The following C3orf20 variants were observed in gnomAD, a reference collection of about 807,000 sequenced individuals.
The protein encoded by C3orf20 is uncharacterized protein C3orf20.
A neutral mutation model predicts 88.3 loss-of-function variants in C3orf20; 76 were observed. That is an observed-to-expected ratio of 0.86 (90% CI 0.72 to 1.04). C3orf20 has a LOEUF of 1.04. Ranked by LOEUF, C3orf20 falls within the 50% of genes least tolerant of loss-of-function variation. C3orf20 has a pLI of 0.00. For missense variants in C3orf20, 1,056 were observed against 1,123.3 expected (o/e 0.94, Z 0.86); for synonymous variants, 436 against 437.4 (o/e 1.00, Z 0.04).
chr3:14,682,531 C>T, intron 2 of C3orf20, 47 bp from the exon 3 acceptor site: 3 of 773,058 alleles, frequency 3.9e-6, no homozygotes, highest in Non-Finnish European at 6.1e-6. Context: ...TCCCCTTGCC[C>T]TACTATGGGG....
At chr3:14,730,194 G>A (rs1457037791) in intron 12 of C3orf20, among the ~76,000 whole-genome samples, 2 of 152,202 alleles carry the variant, frequency 1.3e-5, no homozygotes, top group African/African-American at 4.8e-5. Flanking sequence ...CATTATGATT[G>A]TGAGATTTGT....
chr3:14,704,412 G>A lies in C3orf20; in HGVS notation c.954G>A (p.Met318Ile), dbSNP rs1359022906. 1.2e-6 allele frequency: 2 copies of A among 1,613,970 alleles called. No homozygotes were observed. Among genetic ancestry groups the A allele is most frequent in the Non-Finnish European group, 1.7e-6 (2 of 1,180,006 alleles). Residue 318 changes from methionine to isoleucine, a missense_variant, in exon 7 of 17, where the codon ATG (methionine) becomes ATA (isoleucine). Physicochemically the swap from Met to Ile is conservative, Grantham distance 10. Coordinates refer to ENST00000253697, the MANE Select transcript of C3orf20 (RefSeq NM_032137.5). ...TCTTACGAAACTACAAGGCAAAGATGCCCTCTCATCTAATGTTGGCCCGCA... is the reference window on the plus strand; with the variant it reads ...TCTTACGAAACTACAAGGCAAAGATACCCTCTCATCTAATGTTGGCCCGCA... ...PMILRNYKAK[M>I]PSHLMLARKG...
In C3orf20 at chr3:14,742,193, A is replaced by G. The variant is rs186062509; in HGVS notation, c.1940+13505A>G. On this transcript the variant is annotated intron_variant, in intron 12 of 16. Transcript: ENST00000253697. ...TACTTTTGCACCAACCTAGTAAGTAACATTAGTGATATGCTGTCAAAGATG... is the reference window on the plus strand; with the variant it reads ...TACTTTTGCACCAACCTAGTAAGTAGCATTAGTGATATGCTGTCAAAGATG... Among the ~76,000 whole-genome samples, 606 of 152,384 alleles carry G rather than the reference A, an allele frequency of 4.0e-3. 1 individual carries two copies. The highest frequency in any genetic ancestry group is 6.5e-3 in the Non-Finnish European group (443 of 68,038).
chr3:14,693,976 G>A (rs2032854133), intron 5 of C3orf20, among the ~76,000 whole-genome samples: 1 of 152,102 alleles, frequency 6.6e-6, no homozygotes, highest in South Asian at 2.1e-4. Context: ...TCATTCTGTT[G>A]ATAGGATGTA....
intron 5 of C3orf20, among the ~76,000 whole-genome samples, chr3:14,692,535 G>A (rs1034424941): frequency 5.3e-5 from 8 of 152,092 alleles, no homozygotes; most frequent in Non-Finnish European, 5.9e-5. Context: ...TTTGCCATTT[G>A]TATGTCTTTT....
intron 5 of C3orf20, among the ~76,000 whole-genome samples, chr3:14,699,494 T>A (rs963730751): frequency 6.6e-6 from 1 of 152,138 alleles, no homozygotes; most frequent in African/African-American, 2.4e-5. Context: ...ACTGGGTCCT[T>A]CCCTTCAAGG....
intron 4 of C3orf20, among the ~76,000 whole-genome samples, chr3:14,686,832 C>T (rs76254034): frequency 0.03 from 4,512 of 152,318 alleles, 95 homozygotes; most frequent in Middle Eastern, 0.054. Context: ...GAGTCAGTCC[C>T]CATTTAGTCT....
At chr3:14,732,496 G>A (rs1575136193) in intron 12 of C3orf20, among the ~76,000 whole-genome samples, 1 of 152,176 alleles carries the variant, frequency 6.6e-6, no homozygotes, top group East Asian at 1.9e-4. Context: ...ATTGAAATAG[G>A]TTTTTTCTTT....
intron 12 of C3orf20, among the ~76,000 whole-genome samples, chr3:14,745,085 G>A (rs2035021449): frequency 6.6e-6 from 1 of 152,244 alleles, no homozygotes; most frequent in Admixed American, 6.5e-5. Flanking sequence ...TGGGAAGTAA[G>A]GAAGCAACTG....
chr3:14,757,458 G>A lies in C3orf20; in HGVS notation c.2028G>A (p.Lys676=). ...TGGTGCTGCGGAAGCTCATGCTCAA[G>A]GAAGACACCCGTGCTGGCTGCAAGT... ...CPLVLRKLML[K]EDTRAGCKCL... Residue 676 remains lysine (K), a synonymous_variant, in exon 13 of 17, where the codon AAG becomes AAA. Transcript: ENST00000253697. The A allele has an allele frequency of 7.4e-6, 12 of 1,612,928 alleles. No individual in the cohort carries two copies. Among genetic ancestry groups the A allele is most frequent in the Non-Finnish European group, 9.3e-6 (11 of 1,179,958 alleles).
intron 4 of C3orf20, among the ~76,000 whole-genome samples, chr3:14,688,347 TGATGAAACC>T: frequency 6.6e-6 from 1 of 151,436 alleles, no homozygotes; most frequent in Admixed American, 6.6e-5. Context: ...CTGGCCAACA[TGATGAAACC>T]CTGTCTCTAC....
chr3:14,688,392 C>T (rs936198453), intron 4 of C3orf20, among the ~76,000 whole-genome samples: 11 of 151,430 alleles, frequency 7.3e-5, no homozygotes, highest in African/African-American at 2.7e-4. Context: ...ATTAGCCGGC[C>T]GTGATGGCAC....
In C3orf20 at chr3:14,761,560, C is replaced by T. The variant is rs180793154; in HGVS notation, c.2440C>T (p.Arg814Trp). The change falls in exon 15 of 17, where the codon CGG becomes TGG. Residue 814 changes from arginine to tryptophan, a missense_variant. By Grantham distance (101) the Arg-to-Trp change is moderately radical. Coordinates refer to ENST00000253697, the MANE Select transcript of C3orf20 (RefSeq NM_032137.5). ...GCAGAATCTGCTGAAACAGATCTTC[C>T]GGTCTCAACAGGATTACAAGATGGG... ...SKQNLLKQIF[R>W]SQQDYKMGYF... is the part of the protein sequence containing the mutation. 58 of 1,613,964 alleles carry T rather than the reference C, an allele frequency of 3.6e-5. No individual in the cohort carries two copies. Among genetic ancestry groups the T allele is most frequent in the African/African-American group, 6.7e-5 (5 of 75,008 alleles).
rs748487876 is a variant in C3orf20, at chr3:14,757,334, T to C, written c.1941-37T>C. The C allele has an allele frequency of 1.9e-6, 3 of 1,565,328 alleles. No homozygotes were observed. In the Admixed American group the frequency reaches 5.4e-5, roughly 28 times the overall value. ...CTGGGAACCACAGACCTTCACCACC[T>C]TCTGAGGGTCCCTGTGCACTGTGCT... On this transcript the variant is annotated intron_variant, in intron 12 of 16. Transcript: ENST00000253697.
In C3orf20 at chr3:14,772,340, C is replaced by A. The variant is rs2035884126; in HGVS notation, c.2630+139C>A. On this transcript the variant is annotated intron_variant, in intron 16 of 16. Transcript: ENST00000253697. This position sits in a 1 kb window ranked among gnomAD's most constrained non-coding sequence, Gnocchi z 4.2. ...ATCGCTGACATCTAGCCCATGTAATCAACACAATATTGGGCGGGCATGCAG... is the reference window on the plus strand; with the variant it reads ...ATCGCTGACATCTAGCCCATGTAATAAACACAATATTGGGCGGGCATGCAG... 9.2e-7 allele frequency: 1 copy of A among 1,083,880 alleles called. No homozygotes were observed. The highest frequency in any genetic ancestry group is 1.3e-6 in the Non-Finnish European group (1 of 747,290). 67.1% of individuals were successfully genotyped at this position (1,083,880 alleles called of 1,614,324 possible). A position where few individuals can be genotyped will look rare whatever the true frequency, so the allele number is the denominator to read the frequency against.
chr3:14,756,384 C>T (rs2035373992), intron 12 of C3orf20, among the ~76,000 whole-genome samples: 2 of 152,022 alleles, frequency 1.3e-5, no homozygotes, highest in South Asian at 4.2e-4. Flanking sequence ...TACTATTTTT[C>T]AAATGCTACT....
At chr3:14,723,641 C>T (rs1002664694) in intron 10 of C3orf20, among the ~76,000 whole-genome samples, 2 of 152,124 alleles carry the variant, frequency 1.3e-5, no homozygotes, top group South Asian at 2.1e-4. Flanking sequence ...CCTGTGAATC[C>T]GGCATGCATT....
intron 15 of C3orf20, among the ~76,000 whole-genome samples, chr3:14,767,601 C>T (rs2035750589): frequency 6.6e-6 from 1 of 152,182 alleles, no homozygotes; most frequent in African/African-American, 2.4e-5. Context: ...TGTCATGTGC[C>T]CTGTGAACTG....
chr3:14,695,701 T>C (rs542613833), intron 5 of C3orf20, among the ~76,000 whole-genome samples: 15 of 152,316 alleles, frequency 9.8e-5, no homozygotes, highest in African/African-American at 3.6e-4. Context: ...TATTTACTTA[T>C]GTTATATCTT....
Sources: gnomAD v4.1 joint callset for allele counts (sites outside exome capture counted in the v4.1 genomes callset) on GRCh38, gnomAD v4.1.1 for gene constraint, Gnocchi (gnomAD v3.1) non-coding constraint, MANE v1.5 for transcripts, NCBI Gene and HGNC (gene_info 2026-07-23, HGNC 2026-07-21) for gene names.